SGCG: variants seen among roughly 807,000 people sequenced by gnomAD.
SGCG encodes gamma-sarcoglycan.
In SGCG, 26 loss-of-function variants were observed where a neutral mutation model predicts 29.3. The observed-to-expected ratio is 0.89, with a 90% confidence interval of 0.65 to 1.23. SGCG has a LOEUF of 1.23. SGCG is among the 50% of genes most tolerant of loss of function. The pLI is 0.00. For missense variants in SGCG, 353 were observed against 356.0 expected (o/e 0.99, Z 0.07); for synonymous variants, 145 against 129.7 (o/e 1.12, Z -0.80).
chr13:23,289,572 G>T (rs1881621208), intron 5 of SGCG, among the ~76,000 whole-genome samples: 1 of 152,118 alleles, frequency 6.6e-6, no homozygotes, highest in Admixed American at 6.5e-5. Context: ...TTTTGTATGT[G>T]GCGTTTGGCT....
At chr13:23,274,521 G>C (rs9552903) in intron 4 of SGCG, among the ~76,000 whole-genome samples, 96,028 of 150,020 alleles carry the variant, frequency 0.64, 32,345 homozygotes, top group Middle Eastern at 0.84. Context: ...CCCCCAGGTT[G>C]ACGCCATTCT....
chr13:23,237,759 G>C lies in SGCG; in HGVS notation c.297+3047G>C, dbSNP rs148985105. 3.0e-3 allele frequency among the ~76,000 whole-genome samples: 454 copies of C among 149,448 alleles called. 4 individuals are homozygous for C. The highest frequency in any genetic ancestry group is 0.011 in the African/African-American group (432 of 40,522). Reference sequence around the variant, plus strand: ...AAAAGGTAGACACATCCACACAGTGGAACATAAAACTTGAAATTTCATATG... The same window carrying C: ...AAAAGGTAGACACATCCACACAGTGCAACATAAAACTTGAAATTTCATATG... On this transcript the variant is annotated intron_variant, in intron 3 of 7. Transcript: ENST00000218867.
In SGCG at chr13:23,250,431, A is replaced by G. The variant is rs1382016699; in HGVS notation, c.298-199A>G. ...CTCATTTTATGATTGTTATTCTTTTATCTTTCAATAAATACTCAAAATGTT... is the reference window on the plus strand; with the variant it reads ...CTCATTTTATGATTGTTATTCTTTTGTCTTTCAATAAATACTCAAAATGTT... On this transcript the variant is annotated intron_variant, in intron 3 of 7. Coordinates refer to ENST00000218867, the MANE Select transcript of SGCG (RefSeq NM_000231.3). 1.1e-4 allele frequency among the ~76,000 whole-genome samples: 16 copies of G among 152,158 alleles called. 1 individual carries two copies. Among genetic ancestry groups the G allele is most frequent in the South Asian group, 1.0e-3 (5 of 4,822 alleles).
chr13:23,201,715 CTA>C (rs1251731185), intron 1 of SGCG, among the ~76,000 whole-genome samples: 1 of 152,130 alleles, frequency 6.6e-6, no homozygotes, highest in African/African-American at 2.4e-5. Context: ...CAATAGGAAA[CTA>C]TATATATAGG....
intron 2 of SGCG, among the ~76,000 whole-genome samples, chr13:23,233,796 G>A (rs1357141122): frequency 6.6e-6 from 1 of 152,222 alleles, no homozygotes; most frequent in Non-Finnish European, 1.5e-5. Context: ...GCCTAAGACT[G>A]AACTTGAGGG....
At chr13:23,249,518 C>T (rs189381147) in intron 3 of SGCG, among the ~76,000 whole-genome samples, 1 of 151,816 alleles carries the variant, frequency 6.6e-6, no homozygotes, top group Admixed American at 6.6e-5. Flanking sequence ...AAATTCATAC[C>T]TGCTTATTAT....
intron 2 of SGCG, among the ~76,000 whole-genome samples, chr13:23,213,949 C>T (rs1258447991): frequency 6.6e-6 from 1 of 152,154 alleles, no homozygotes; most frequent in African/African-American, 2.4e-5. Flanking sequence ...TGCAGGAAGG[C>T]CTCTAACAAA....
intron 5 of SGCG, among the ~76,000 whole-genome samples, chr13:23,285,543 G>A (rs890545378): frequency 1.3e-5 from 2 of 152,202 alleles, no homozygotes; most frequent in African/African-American, 4.8e-5. Flanking sequence ...AGCTTACTAG[G>A]CTCCATGGGG....
chr13:23,312,191 C>G (rs1882628338), intron 6 of SGCG, among the ~76,000 whole-genome samples: 1 of 152,160 alleles, frequency 6.6e-6, no homozygotes, highest in South Asian at 2.1e-4. Context: ...TTTCTAAGAA[C>G]CTACCAAAGG....
intron 4 of SGCG, among the ~76,000 whole-genome samples, chr13:23,252,679 A>C (rs183625744): frequency 6.6e-6 from 1 of 151,964 alleles, no homozygotes; most frequent in Admixed American, 6.5e-5. Flanking sequence ...CGACAGAGTG[A>C]GACTGTGTCT....
chr13:23,281,181 A>C lies in SGCG; in HGVS notation c.505+1703A>C, dbSNP rs192308777. 3.8e-4 allele frequency among the ~76,000 whole-genome samples: 57 copies of C among 151,960 alleles called. 1 individual carries two copies. Among genetic ancestry groups the C allele is most frequent in the African/African-American group, 1.4e-3 (57 of 41,416 alleles). ...GAAACCCCATCTCTACAAAAGAAAA[A>C]GTACAAAAATTATCCAGGCGTAGTG... On this transcript the variant is annotated intron_variant, in intron 5 of 7. Transcript: ENST00000218867.
chr13:23,201,866 C>T (rs1877782151), intron 1 of SGCG, among the ~76,000 whole-genome samples: 1 of 152,198 alleles, frequency 6.6e-6, no homozygotes, highest in South Asian at 2.1e-4. Context: ...CATCCAATTG[C>T]ACTCTCCTAG....
chr13:23,291,201 T>G lies in SGCG; in HGVS notation c.506-4214T>G, dbSNP rs547279073. On this transcript the variant is annotated intron_variant, in intron 5 of 7. Transcript: ENST00000218867. ...ACTAGGCTTTCTTTTATTTTCCTTT[T>G]TATTTATACTTTCCTATATAAATAA... Among the ~76,000 whole-genome samples the G allele has an allele frequency of 3.3e-5, 5 of 152,346 alleles. No individual in the cohort carries two copies. In the South Asian group the frequency reaches 1.0e-3, roughly 32 times the overall value.
Position 23,324,416 on chromosome 13 carries a change from A to G in SGCG, c.751A>G (p.Thr251Ala), listed in dbSNP as rs201535503. The change falls in exon 8 of 8, where the codon ACG becomes GCG. Residue 251 changes from threonine (T) to alanine (A), a missense_variant. By Grantham distance (58) the Thr-to-Ala change is moderately conservative. Coordinates refer to ENST00000218867, the MANE Select transcript of SGCG (RefSeq NM_000231.3). Reference sequence around the variant, plus strand: ...GTGCTTACCCAAGCTGGTGCAGGGGACGTGGGGTCCCTCTGGCAGCTCACA... The same window carrying G: ...GTGCTTACCCAAGCTGGTGCAGGGGGCGTGGGGTCCCTCTGGCAGCTCACA... ...TVCLPKLVQG[T>A]WGPSGSSQSL... is the part of the protein sequence containing the mutation. The G allele has an allele frequency of 6.2e-7, 1 of 1,614,046 alleles. No homozygotes were observed. The highest frequency in any genetic ancestry group is 2.2e-5 in the East Asian group (1 of 44,864).
At chr13:23,286,391 A>G (rs1214392013) in intron 5 of SGCG, among the ~76,000 whole-genome samples, 1 of 152,250 alleles carries the variant, frequency 6.6e-6, no homozygotes, top group East Asian at 1.9e-4. Context: ...GCAACTAAAG[A>G]AGTGAAAATC....
chr13:23,302,627 AAT>A (rs1217894588), intron 6 of SGCG, among the ~76,000 whole-genome samples: 2 of 151,764 alleles, frequency 1.3e-5, no homozygotes, highest in East Asian at 3.9e-4. Flanking sequence ...GTACTCCATA[AAT>A]ATGTTCATTT....
chr13:23,285,597 C>T (rs974033337), intron 5 of SGCG, among the ~76,000 whole-genome samples: 2 of 152,166 alleles, frequency 1.3e-5, no homozygotes, highest in South Asian at 2.1e-4. Context: ...TGGCTTCAGC[C>T]CCCTTTCCAG....
chr13:23,212,068 C>T (rs941125750), intron 2 of SGCG, among the ~76,000 whole-genome samples: 3 of 152,098 alleles, frequency 2.0e-5, no homozygotes, highest in African/African-American at 4.8e-5. Flanking sequence ...CTTGCTCCTG[C>T]TCCTACCATG....
chr13:23,265,713 A>C (rs1451045293), intron 4 of SGCG, among the ~76,000 whole-genome samples: 1 of 152,242 alleles, frequency 6.6e-6, no homozygotes, highest in Non-Finnish European at 1.5e-5. Flanking sequence ...TTAAGACCAC[A>C]ATGAGATACC....
Sources: gnomAD v4.1 joint callset for allele counts (sites outside exome capture counted in the v4.1 genomes callset) on GRCh38, gnomAD v4.1.1 for gene constraint, MANE v1.5 for transcripts, NCBI Gene and HGNC (gene_info 2026-07-23, HGNC 2026-07-21) for gene names.